The following NEK7 variants were observed in gnomAD, a reference collection of about 807,000 sequenced individuals.
NEK7 encodes serine/threonine-protein kinase Nek7.
In NEK7, 18 loss-of-function variants were observed where a neutral mutation model predicts 44.6. That is an observed-to-expected ratio of 0.40 (90% CI 0.28 to 0.60). NEK7 has a LOEUF of 0.60. Among genes scored for constraint, NEK7 ranks in the 20% least tolerant of loss-of-function variants. NEK7 has a pLI of 0.38. For missense variants in NEK7, 256 were observed against 366.5 expected, an observed-to-expected ratio of 0.70 and a Z score of 2.46; for synonymous variants, 130 against 121.1, an observed-to-expected ratio of 1.07 and a Z score of -0.48.
In NEK7 at chr1:198,249,812, G is replaced by A. The variant is rs1226749979; in HGVS notation, c.58-3228G>A. 5.2e-5 allele frequency among the ~76,000 whole-genome samples: 6 copies of A among 114,920 alleles called. No individual in the cohort carries two copies. The South Asian group carries it at 1.8e-3, about 34-fold the overall frequency. The allele number at this position is 114,920 out of a possible 152,430, so 75.4% of individuals were successfully genotyped here. A position where few individuals can be genotyped will look rare whatever the true frequency, so the allele number is the denominator to read the frequency against. On this transcript the variant is annotated intron_variant, in intron 2 of 9. Transcript: ENST00000367385. The stretch of plus-strand genomic sequence containing the variant: ...GCCCTTTGTCAGATGAGTGGGTTGC[G>A]AAAATTTTCTCCCATTTTGTAGGTT...
intron 4 of NEK7, among the ~76,000 whole-genome samples, chr1:198,263,197 A>G (rs997295501): frequency 2.0e-5 from 3 of 151,868 alleles, no homozygotes; most frequent in Middle Eastern, 3.2e-3. Flanking sequence ...ACTGCGGCCT[A>G]TGTTGTATTT....
intron 1 of NEK7, among the ~76,000 whole-genome samples, chr1:198,226,518 C>T (rs1478121975): frequency 6.6e-6 from 1 of 151,514 alleles, no homozygotes; most frequent in Non-Finnish European, 1.5e-5. Context: ...GCATTCCAGC[C>T]TGGGCGACAC....
chr1:198,239,520 T>C (rs998259469), intron 2 of NEK7, among the ~76,000 whole-genome samples: 2 of 152,204 alleles, frequency 1.3e-5, no homozygotes, highest in African/African-American at 4.8e-5. Context: ...AAAAATATTT[T>C]AGTAACAGAA....
chr1:198,264,014 A>C (rs1224759234), intron 4 of NEK7, 111 bp from the exon 5 acceptor site: 4 of 1,137,364 alleles, frequency 3.5e-6, no homozygotes, highest in Non-Finnish European at 4.7e-6. Flanking sequence ...TCATGTTAAG[A>C]TTTCTGTAAT....
chr1:198,163,722 A>G (rs997417139), intron 1 of NEK7, among the ~76,000 whole-genome samples: 1 of 152,134 alleles, frequency 6.6e-6, no homozygotes, highest in African/African-American at 2.4e-5. Flanking sequence ...TTTCATGGCA[A>G]CCTACAAATT....
At chr1:198,182,154 C>T (rs1474759398) in intron 1 of NEK7, among the ~76,000 whole-genome samples, 2 of 151,964 alleles carry the variant, frequency 1.3e-5, no homozygotes, top group African/African-American at 4.8e-5. Context: ...CAATAGTTGG[C>T]TGTAATGAAT....
chr1:198,303,370 T>G (rs1468953753), intron 9 of NEK7, among the ~76,000 whole-genome samples: 1 of 152,092 alleles, frequency 6.6e-6, no homozygotes, highest in African/African-American at 2.4e-5. Flanking sequence ...TATTTATAAA[T>G]AATTTTTGTT....
intron 1 of NEK7, among the ~76,000 whole-genome samples, chr1:198,194,446 C>G (rs1665170435): frequency 6.6e-6 from 1 of 152,014 alleles, no homozygotes; most frequent in South Asian, 2.1e-4. Context: ...TCCCTCCTCC[C>G]ACCCTTCACC....
chr1:198,271,417 A>T (rs1489564464), intron 5 of NEK7, among the ~76,000 whole-genome samples: 1 of 152,060 alleles, frequency 6.6e-6, no homozygotes. Context: ...TAGAATGTCA[A>T]CCATGTTTTG....
At chr1:198,311,708 C>G (rs1365741037) in intron 9 of NEK7, among the ~76,000 whole-genome samples, 35 of 151,998 alleles carry the variant, frequency 2.3e-4, no homozygotes, top group African/African-American at 4.8e-4. Context: ...TGTGGTTTTT[C>G]TGTTTGGTTC....
At chr1:198,260,904 G>C (rs1229907979) in intron 3 of NEK7, among the ~76,000 whole-genome samples, 2 of 150,108 alleles carry the variant, frequency 1.3e-5, no homozygotes, top group Non-Finnish European at 3.0e-5. Flanking sequence ...CTTTAAGGCA[G>C]TGAGTTTATG....
intron 3 of NEK7, 125 bp downstream of exon 3, chr1:198,253,305 C>A (rs1052926418): frequency 6.7e-6 from 4 of 599,010 alleles, no homozygotes; most frequent in Non-Finnish European, 1.1e-5. Context: ...AAAGATTGAA[C>A]GTTGTATTTT....
chr1:198,252,762 C>CAT lies in NEK7; in HGVS notation c.58-267_58-266dup, dbSNP rs565699417. Reference sequence around the variant, plus strand: ...TGTTTTATATATTTATTAAAACACACATATATATATATGTATGTTTTAATG... The same window carrying CAT: ...TGTTTTATATATTTATTAAAACACACATATATATATATATGTATGTTTTAATG... On this transcript the variant is annotated intron_variant, in intron 2 of 9. Transcript: ENST00000367385. Among the ~76,000 whole-genome samples, 1,124 of 150,370 alleles carry CAT rather than the reference C, an allele frequency of 7.5e-3. 10 individuals carry two copies. Among genetic ancestry groups the CAT allele is most frequent in the African/African-American group, 0.021 (861 of 41,022 alleles).
intron 3 of NEK7, among the ~76,000 whole-genome samples, chr1:198,253,981 G>A (rs1653165945): frequency 6.6e-6 from 1 of 151,900 alleles, no homozygotes; most frequent in African/African-American, 2.4e-5. Context: ...TTCAATTATG[G>A]TAATAGTTAT....
intron 2 of NEK7, among the ~76,000 whole-genome samples, chr1:198,235,397 CCTTT>C (rs1558070526): frequency 6.6e-6 from 1 of 152,004 alleles, no homozygotes; most frequent in Non-Finnish European, 1.5e-5. Context: ...CCCCTTTCTT[CCTTT>C]CTTGATTCTT....
chr1:198,241,373 G>C (rs759878235), intron 2 of NEK7, among the ~76,000 whole-genome samples: 4 of 152,064 alleles, frequency 2.6e-5, no homozygotes, highest in Non-Finnish European at 4.4e-5. Flanking sequence ...TTTTCCTTTA[G>C]TAAATTTCAT....
chr1:198,314,630 T>G lies in NEK7; in HGVS notation c.799-4782T>G, dbSNP rs923834050. 1.2e-4 allele frequency among the ~76,000 whole-genome samples: 18 copies of G among 152,262 alleles called. No homozygotes were observed. In the East Asian group the frequency reaches 3.1e-3, roughly 26 times the overall value. ...GTTTTTGGTGTGGATGTCGTTTCTG[T>G]TTGTTAGTTTTCCTTCTAACAGACA... On this transcript the variant is annotated intron_variant, in intron 9 of 9. Coordinates refer to ENST00000367385, the MANE Select transcript of NEK7 (RefSeq NM_133494.3).
chr1:198,248,455 A>G (rs146974933), intron 2 of NEK7, among the ~76,000 whole-genome samples: 1,876 of 152,286 alleles, frequency 0.012, 24 homozygotes, highest in Non-Finnish European at 0.018. Flanking sequence ...AATATCTTAT[A>G]ATTATTTCTC....
chr1:198,255,120 G>T (rs1653209330), intron 3 of NEK7, among the ~76,000 whole-genome samples: 1 of 152,120 alleles, frequency 6.6e-6, no homozygotes, highest in African/African-American at 2.4e-5. Flanking sequence ...GTTGGAATTG[G>T]TGGAATTGGA....
Sources: gnomAD v4.1 joint callset for allele counts (sites outside exome capture counted in the v4.1 genomes callset) on GRCh38, gnomAD v4.1.1 for gene constraint, MANE v1.5 for transcripts, NCBI Gene and HGNC (gene_info 2026-07-23, HGNC 2026-07-21) for gene names.